The following PPP2R5D variants were observed in gnomAD, a reference collection of about 807,000 sequenced individuals.
PPP2R5D encodes the protein protein phosphatase 2 regulatory subunit B'delta.
PPP2R5D carries 12 observed loss-of-function variants against 79.1 expected under a neutral mutation model. The observed-to-expected ratio is 0.15, with a 90% confidence interval of 0.10 to 0.25. The LOEUF is 0.25. Ranked by LOEUF, PPP2R5D falls within the 10% of genes least tolerant of loss-of-function variation. PPP2R5D has a pLI of 1.00. For missense variants in PPP2R5D, 419 were observed against 760.2 expected, an observed-to-expected ratio of 0.55 and a Z score of 5.28; for synonymous variants, 277 against 286.6, an observed-to-expected ratio of 0.97 and a Z score of 0.34.
intron 2 of PPP2R5D, among the ~76,000 whole-genome samples, chr6:42,997,043 G>C (rs575455269): frequency 2.0e-5 from 3 of 151,690 alleles, no homozygotes; most frequent in Non-Finnish European, 2.9e-5. Flanking sequence ...CTCTTCCTTT[G>C]TTGCCCAGGC....
intron 2 of PPP2R5D, among the ~76,000 whole-genome samples, chr6:42,995,279 G>A (rs1467741720): frequency 2.0e-5 from 3 of 151,726 alleles, no homozygotes; most frequent in South Asian, 4.2e-4. Flanking sequence ...CTGCAGGCAC[G>A]AGCCACTGTG....
intron 2 of PPP2R5D, among the ~76,000 whole-genome samples, chr6:42,990,297 C>T (rs1771168919): frequency 6.6e-6 from 1 of 152,180 alleles, no homozygotes; most frequent in South Asian, 2.1e-4. Flanking sequence ...CAGTGGGATG[C>T]TCTGGATGGT....
At chr6:43,001,052 C>CTGG (rs1772156770) in intron 2 of PPP2R5D, among the ~76,000 whole-genome samples, 2 of 152,206 alleles carry the variant, frequency 1.3e-5, no homozygotes, top group African/African-American at 4.8e-5. Flanking sequence ...GAGGGGGTGA[C>CTGG]ACCCAAGGGC....
Position 43,012,336 on chromosome 6 carries a change from C to CT in PPP2R5D, c.*1051dup, listed in dbSNP as rs748499684. 2.7e-6 allele frequency: 4 copies of CT among 1,473,702 alleles called. No individual in the cohort carries two copies. The highest frequency in any genetic ancestry group is 2.7e-6 in the Non-Finnish European group (3 of 1,112,792). The allele number at this position is 1,473,702 out of a possible 1,614,324, so 91.3% of individuals were successfully genotyped here. On this transcript the variant is annotated 3_prime_UTR_variant, in exon 16 of 16. Transcript: ENST00000485511. Reference sequence around the variant, plus strand: ...GTACAGAACTGAATAAAGTGGGTCTCTGAGAAGTCTGATGTGCCTTGATGT... The same window carrying CT: ...GTACAGAACTGAATAAAGTGGGTCTCTTGAGAAGTCTGATGTGCCTTGATGT...
At chr6:42,989,797 AT>A in intron 2 of PPP2R5D, 109 bp downstream of exon 2, 1 of 1,109,754 alleles carries the variant, frequency 9.0e-7, no homozygotes, top group Non-Finnish European at 1.3e-6. Flanking sequence ...GAAGGCTTCC[AT>A]ATCCTGGGAG....
chr6:43,005,740 G>A (rs1185388434), intron 2 of PPP2R5D, among the ~76,000 whole-genome samples: 2 of 151,938 alleles, frequency 1.3e-5, no homozygotes, highest in Non-Finnish European at 2.9e-5. Context: ...TCCTGCCTCA[G>A]CCTCCCAAGT....
chr6:42,997,345 A>G (rs144206883), intron 2 of PPP2R5D, among the ~76,000 whole-genome samples: 8,976 of 151,912 alleles, frequency 0.059, 322 homozygotes, highest in African/African-American at 0.092. Context: ...GGCATGCACC[A>G]CCACATCTGG....
At position 43,011,799 on chromosome 6, in the gene PPP2R5D, G is replaced by T. The variant is rs1762364057; in HGVS notation, c.*513G>T. On this transcript the variant is annotated 3_prime_UTR_variant, in exon 16 of 16. Transcript: ENST00000485511. ...AGCACAAATAGGCCCCCCAGTCCCAGCCGTGTGCTGGCAGATAGGGTTGTA... is the reference window on the plus strand; with the variant it reads ...AGCACAAATAGGCCCCCCAGTCCCATCCGTGTGCTGGCAGATAGGGTTGTA... 1 of 165,180 alleles carries T rather than the reference G, an allele frequency of 6.1e-6. No individual in the cohort carries two copies. Among genetic ancestry groups the T allele is most frequent in the African/African-American group, 2.4e-5 (1 of 41,590 alleles). The allele number at this position is 165,180 out of a possible 1,614,324, so 10.2% of individuals were successfully genotyped here.
chr6:43,009,544 C>G lies in PPP2R5D; in HGVS notation c.1379+95C>G. The G allele has an allele frequency of 6.5e-7, 1 of 1,533,374 alleles. No homozygotes were observed. 95.0% of individuals were successfully genotyped at this position (1,533,374 alleles called of 1,614,324 possible). A position where few individuals can be genotyped will look rare whatever the true frequency, so the allele number is the denominator to read the frequency against. On this transcript the variant is annotated intron_variant, in intron 12 of 15. Coordinates refer to ENST00000485511, the MANE Select transcript of PPP2R5D (RefSeq NM_006245.4). This position sits in a 1 kb window ranked among gnomAD's most constrained non-coding sequence, Gnocchi z 5.6. Reference sequence around the variant, plus strand: ...AAGAGCCAGGGGTCTCACCTAGTCACCCAGCAAGTGGGGCTGATGTCCCCT... The same window carrying G: ...AAGAGCCAGGGGTCTCACCTAGTCAGCCAGCAAGTGGGGCTGATGTCCCCT...
At position 42,986,859 on chromosome 6, in the gene PPP2R5D, G is replaced by A. The variant is rs142233466; in HGVS notation, c.27+2155G>A. 8.2e-4 allele frequency among the ~76,000 whole-genome samples: 125 copies of A among 151,940 alleles called. 1 individual carries two copies. The highest frequency in any genetic ancestry group is 6.8e-3 in the Middle Eastern group (2 of 294). ...GTTTGGTTGGGAAAGGGTGTTGGAAGTAACGGGGTGCATGGAGCCAGGCAT... is the reference window on the plus strand; with the variant it reads ...GTTTGGTTGGGAAAGGGTGTTGGAAATAACGGGGTGCATGGAGCCAGGCAT... On this transcript the variant is annotated intron_variant, in intron 1 of 15. Coordinates refer to ENST00000485511, the MANE Select transcript of PPP2R5D (RefSeq NM_006245.4).
At position 43,008,509 on chromosome 6, in the gene PPP2R5D, A is replaced by G. The variant is rs1257267213; in HGVS notation, c.1026+34A>G. 2 of 1,567,256 alleles carry G rather than the reference A, an allele frequency of 1.3e-6. No individual in the cohort carries two copies. The highest frequency in any genetic ancestry group is 1.8e-6 in the Non-Finnish European group (2 of 1,137,770). Reference sequence around the variant, plus strand: ...CCTTCCTCCTTATAATGTCCAACTCAGGCAGCAGAGAAAAGAGCCGGCAGG... The same window carrying G: ...CCTTCCTCCTTATAATGTCCAACTCGGGCAGCAGAGAAAAGAGCCGGCAGG... On this transcript the variant is annotated intron_variant, in intron 9 of 15. Transcript: ENST00000485511. This position sits in a 1 kb window ranked among gnomAD's most constrained non-coding sequence, Gnocchi z 4.2.
At chr6:42,987,362 C>A (rs760041186) in intron 1 of PPP2R5D, among the ~76,000 whole-genome samples, 3 of 152,100 alleles carry the variant, frequency 2.0e-5, no homozygotes, top group African/African-American at 7.2e-5. Context: ...CTGGGACTTA[C>A]CTCTTTTATT....
At chr6:43,004,911 G>A (rs1348625137) in intron 2 of PPP2R5D, among the ~76,000 whole-genome samples, 8 of 151,378 alleles carry the variant, frequency 5.3e-5, no homozygotes, top group East Asian at 3.9e-4. Context: ...CACCACACCC[G>A]GCTAATTTTG....
chr6:43,000,694 T>G (rs1772118944), intron 2 of PPP2R5D, among the ~76,000 whole-genome samples: 1 of 152,222 alleles, frequency 6.6e-6, no homozygotes, highest in African/African-American at 2.4e-5. Flanking sequence ...AGGTTGGCAC[T>G]GAGCCCCTCA....
chr6:42,989,559 C>A, intron 1 of PPP2R5D, 52 bp from the exon 2 acceptor site: 1 of 1,430,174 alleles, frequency 7.0e-7, no homozygotes, highest in Non-Finnish European at 9.8e-7. Flanking sequence ...CCAGATAAGA[C>A]CTCTCCCTTC....
At chr6:43,005,961 A>G (rs1363022638) in intron 2 of PPP2R5D, among the ~76,000 whole-genome samples, 1 of 152,144 alleles carries the variant, frequency 6.6e-6, no homozygotes, top group Non-Finnish European at 1.5e-5. Flanking sequence ...ACATTCAGTA[A>G]AGGATCTTAA....
Position 43,008,474 on chromosome 6 carries a change from A to C in PPP2R5D, c.1025A>C (p.Gln342Pro). Residue 342 changes from glutamine (Q) to proline (P), a missense_variant and splice_region_variant, in exon 9 of 16, where the codon CAG becomes CCG. This residue lies in a region of PPP2R5D where 196 missense variants were observed against 424.5 expected (regional missense o/e 0.46). Transcript: ENST00000485511. The surrounding 1 kb of genome is among the most constrained non-coding windows in gnomAD (Gnocchi z 4.2). ...AAGTCCCTGAGTGTCTACCACCCTC[A>C]GGTGAGCTGCCTTCCTCCTTATAAT... ...KVKSLSVYHP[Q>P]LAYCVVQFLE... 1 of 1,605,786 alleles carries C rather than the reference A, an allele frequency of 6.2e-7. No homozygotes were observed. Among genetic ancestry groups the C allele is most frequent in the Non-Finnish European group, 8.5e-7 (1 of 1,172,442 alleles).
intron 2 of PPP2R5D, among the ~76,000 whole-genome samples, chr6:43,004,288 G>A (rs1761936528): frequency 6.6e-6 from 1 of 152,220 alleles, no homozygotes. Flanking sequence ...CTCCCAAAGT[G>A]CTGGGATTAC....
In PPP2R5D at chr6:43,009,569, T is replaced by G; in HGVS notation, c.1379+120T>G. 1 of 1,381,108 alleles carries G rather than the reference T, an allele frequency of 7.2e-7. No homozygotes were observed. The highest frequency in any genetic ancestry group is 1.0e-6 in the Non-Finnish European group (1 of 1,000,426). The allele number at this position is 1,381,108 out of a possible 1,614,324, so 85.6% of individuals were successfully genotyped here. On this transcript the variant is annotated intron_variant, in intron 12 of 15. Transcript: ENST00000485511. This position sits in a 1 kb window ranked among gnomAD's most constrained non-coding sequence, Gnocchi z 5.6. ...CCCAGCAAGTGGGGCTGATGTCCCC[T>G]GCATGTTGATAGGACCTTGAGGGGC...
Sources: allele counts gnomAD v4.1 joint callset (sites outside exome capture counted in the v4.1 genomes callset), GRCh38; gene constraint gnomAD v4.1.1; regional missense constraint gnomAD v4.1.1; non-coding constraint Gnocchi (gnomAD v3.1); transcripts MANE v1.5; gene names NCBI Gene and HGNC (gene_info 2026-07-23, HGNC 2026-07-21).